OR51T1: variants seen among roughly 807,000 people sequenced by gnomAD.
OR51T1 encodes the protein olfactory receptor family 51 subfamily T member 1.
For synonymous variants in OR51T1, 188 were observed against 152.6 expected (o/e 1.23, Z -1.71); for missense variants, 439 against 398.5 (o/e 1.10, Z -0.87).
rs146307648 is a variant in OR51T1, at chr11:4,882,588, T to C, written c.689T>C (p.Ile230Thr). Residue 230 changes from isoleucine to threonine, a missense_variant, in exon 1 of 1, where the codon ATT (isoleucine) becomes ACT (threonine). Transcript: ENST00000322049. ...YVLILRTVLG[I>T]VARKKQQKAL... is the part of the protein sequence containing the mutation. ...CTGATCCTCCGTACTGTTCTGGGCATTGTGGCCCGAAAGAAGCAACAAAAA... is the reference window on the plus strand; with the variant it reads ...CTGATCCTCCGTACTGTTCTGGGCACTGTGGCCCGAAAGAAGCAACAAAAA... The C allele has an allele frequency of 2.2e-5, 36 of 1,613,828 alleles. No homozygotes were observed. Among genetic ancestry groups the C allele is most frequent in the Admixed American group, 6.7e-5 (4 of 59,956 alleles).
In OR51T1 at chr11:4,881,931, C is replaced by A. The variant is rs1850470432; in HGVS notation, c.32C>A (p.Ser11Tyr). The stretch of plus-strand genomic sequence containing the variant: ...ATATTCAATAACACCACTTCGTCTT[C>A]CTCAAACTTCCTCCTCACTGCATTC... MAIFNNTTSS[S>Y]SNFLLTAFPG... The change falls in exon 1 of 1, where the codon TCC becomes TAC. Residue 11 changes from serine to tyrosine, a missense_variant. Coordinates refer to ENST00000322049, the MANE Select transcript of OR51T1 (RefSeq NM_001004759.3). The A allele has an allele frequency of 6.2e-7, 1 of 1,613,632 alleles. No individual in the cohort carries two copies. The highest frequency in any genetic ancestry group is 8.5e-7 in the Non-Finnish European group (1 of 1,179,642).
In OR51T1 at chr11:4,882,400, T is replaced by G; in HGVS notation, c.501T>G (p.Thr167=). Residue 167 remains threonine (T), a synonymous_variant, in exon 1 of 1, where the codon ACT becomes ACG. Coordinates refer to ENST00000322049, the MANE Select transcript of OR51T1 (RefSeq NM_001004759.3). ...TTCCCCTTCTTGTAGCCATAAACAC[T>G]GTGTCTTTTCATGGGGGTCACGAGC... ...FLLPLLVAIN[T]VSFHGGHELS... is the part of the protein sequence containing the mutation. The G allele has an allele frequency of 6.2e-7, 1 of 1,613,924 alleles. No homozygotes were observed. Among genetic ancestry groups the G allele is most frequent in the Non-Finnish European group, 8.5e-7 (1 of 1,179,918 alleles).
In OR51T1 at chr11:4,882,781, C is replaced by T. The variant is rs780109347; in HGVS notation, c.882C>T (p.Tyr294=). 20 of 1,613,894 alleles carry T rather than the reference C, an allele frequency of 1.2e-5. 1 individual carries two copies. In the South Asian group the frequency reaches 2.2e-4, roughly 18 times the overall value. Residue 294 remains tyrosine, a synonymous_variant, in exon 1 of 1, where the codon TAC becomes TAT. Transcript: ENST00000322049. ...CACCTGTGCTGAACCCTATCATTTA[C>T]AGCTTGAAGACCAAGACAATCCGCC... ...LLPPVLNPII[Y]SLKTKTIRQA... is the part of the protein sequence containing the mutation.
At position 4,882,595 on chromosome 11, in the gene OR51T1, C is replaced by G. The variant is rs1421985375; in HGVS notation, c.696C>G (p.Ala232=). The G allele has an allele frequency of 3.1e-6, 5 of 1,613,748 alleles. No individual in the cohort carries two copies. The African/African-American group carries it at 6.7e-5, about 22-fold the overall frequency. ...TCCGTACTGTTCTGGGCATTGTGGC[C>G]CGAAAGAAGCAACAAAAAGCTCTCA... The part of the protein sequence containing the change: ...LILRTVLGIV[A]RKKQQKALST... Residue 232 remains alanine (A), a synonymous_variant, in exon 1 of 1, where the codon GCC becomes GCG. Transcript: ENST00000322049.
rs1395072685 is a variant in OR51T1 at position 4,882,651 on chromosome 11, C to T, written c.752C>T (p.Thr251Ile). ...STCVCHICAVTIFYVPLISLS... is the reference protein window; with the variant it reads ...STCVCHICAVIIFYVPLISLS... ...TGTGTCTGTCACATCTGTGCAGTCA[C>T]TATTTTCTATGTGCCACTGATCAGC... The change falls in exon 1 of 1, where the codon ACT becomes ATT. Residue 251 changes from threonine (T) to isoleucine (I), a missense_variant. Coordinates refer to ENST00000322049, the MANE Select transcript of OR51T1 (RefSeq NM_001004759.3). 1.9e-6 allele frequency: 3 copies of T among 1,613,834 alleles called. No individual in the cohort carries two copies. In the East Asian group the frequency reaches 6.7e-5, roughly 36 times the overall value.
chr11:4,882,676 CCT>C lies in OR51T1; in HGVS notation c.782_783del (p.Ser261PhefsTer15), dbSNP rs1201221326. The C allele has an allele frequency of 1.2e-6, 2 of 1,613,944 alleles. No individual in the cohort carries two copies. Among genetic ancestry groups the C allele is most frequent in the South Asian group, 1.1e-5 (1 of 91,074 alleles). ...VTIFYVPLISLSLAHRLFHST... is the reference protein window; with the variant it reads ...VTIFYVPLISXSLAHRLFHST... Reference sequence around the variant, plus strand: ...CTATTTTCTATGTGCCACTGATCAGCCTCTCTTTGGCACACCGCCTCTTCCAC... The same window carrying C: ...CTATTTTCTATGTGCCACTGATCAGCCTCTTTGGCACACCGCCTCTTCCAC... On this transcript the variant is annotated frameshift_variant, in exon 1 of 1. Transcript: ENST00000322049. LOFTEE classifies it low-confidence loss of function (END_TRUNC).
At position 4,882,680 on chromosome 11, in the gene OR51T1, T is replaced by A; in HGVS notation, c.781T>A (p.Ser261Thr). The change falls in exon 1 of 1, where the codon TCT becomes ACT. Residue 261 changes from serine (S) to threonine (T), a missense_variant. Ser to Thr is a moderately conservative substitution (Grantham distance 58). Transcript: ENST00000322049. Reference protein sequence around the residue: ...TIFYVPLISLSLAHRLFHSTP... With the variant: ...TIFYVPLISLTLAHRLFHSTP... ...TTTCTATGTGCCACTGATCAGCCTCTCTTTGGCACACCGCCTCTTCCACTC... is the reference window on the plus strand; with the variant it reads ...TTTCTATGTGCCACTGATCAGCCTCACTTTGGCACACCGCCTCTTCCACTC... 6.2e-7 allele frequency: 1 copy of A among 1,613,976 alleles called. No individual in the cohort carries two copies. The highest frequency in any genetic ancestry group is 8.5e-7 in the Non-Finnish European group (1 of 1,179,946).
Position 4,882,399 on chromosome 11 carries a change from C to T in OR51T1, c.500C>T (p.Thr167Ile). 1 of 1,613,934 alleles carries T rather than the reference C, an allele frequency of 6.2e-7. No homozygotes were observed. Among genetic ancestry groups the T allele is most frequent in the Non-Finnish European group, 8.5e-7 (1 of 1,179,932 alleles). ...CTTCCCCTTCTTGTAGCCATAAACA[C>T]TGTGTCTTTTCATGGGGGTCACGAG... ...FLLPLLVAIN[T>I]VSFHGGHELS... is the part of the protein sequence containing the mutation. The change falls in exon 1 of 1, where the codon ACT becomes ATT. Residue 167 changes from threonine (T) to isoleucine (I), a missense_variant. Thr to Ile is a moderately conservative substitution (Grantham distance 89). Transcript: ENST00000322049.
chr11:4,882,803 C>A lies in OR51T1; in HGVS notation c.904C>A (p.Arg302Ser). ...TTACAGCTTGAAGACCAAGACAATC[C>A]GCCAGGCTATGTTCCAGCTGCTCCA... Reference protein sequence around the residue: ...IIYSLKTKTIRQAMFQLLQSK... With the variant: ...IIYSLKTKTISQAMFQLLQSK... The change falls in exon 1 of 1, where the codon CGC (arginine) becomes AGC (serine). Residue 302 changes from arginine to serine, a missense_variant. Transcript: ENST00000322049. 1 of 1,613,826 alleles carries A rather than the reference C, an allele frequency of 6.2e-7. No homozygotes were observed.
rs763182459 is a variant in OR51T1 at position 4,882,673 on chromosome 11, C to G, written c.774C>G (p.Ile258Met). The G allele has an allele frequency of 2.5e-6, 4 of 1,613,940 alleles. No individual in the cohort carries two copies. The highest frequency in any genetic ancestry group is 1.7e-5 in the Admixed American group (1 of 59,988). Residue 258 changes from isoleucine to methionine, a missense_variant, in exon 1 of 1, where the codon ATC becomes ATG. Ile to Met is a conservative substitution (Grantham distance 10). Transcript: ENST00000322049. ...CAVTIFYVPL[I>M]SLSLAHRLFH... ...TCACTATTTTCTATGTGCCACTGAT[C>G]AGCCTCTCTTTGGCACACCGCCTCT...
rs1221969586 is a variant in OR51T1, at chr11:4,882,196, C to T, written c.297C>T (p.Cys99=). Reference sequence around the variant, plus strand: ...CCCGGGAGATCAGCTTTAAAGCTTGCTTCATTCAAATGTTCTTTGTGCATG... The same window carrying T: ...CCCGGGAGATCAGCTTTAAAGCTTGTTTCATTCAAATGTTCTTTGTGCATG... The part of the protein sequence containing the change: ...FHAREISFKA[C]FIQMFFVHAF... Residue 99 remains cysteine (C), a synonymous_variant, in exon 1 of 1, where the codon TGC becomes TGT. Coordinates refer to ENST00000322049, the MANE Select transcript of OR51T1 (RefSeq NM_001004759.3). 1 of 1,613,884 alleles carries T rather than the reference C, an allele frequency of 6.2e-7. No individual in the cohort carries two copies. Among genetic ancestry groups the T allele is most frequent in the South Asian group, 1.1e-5 (1 of 91,074 alleles).
Position 4,882,658 on chromosome 11 carries a change from C to A in OR51T1, c.759C>A (p.Phe253Leu), listed in dbSNP as rs1342601909. 6.2e-7 allele frequency: 1 copy of A among 1,613,942 alleles called. No individual in the cohort carries two copies. Among genetic ancestry groups the A allele is most frequent in the South Asian group, 1.1e-5 (1 of 91,084 alleles). ...GTCACATCTGTGCAGTCACTATTTT[C>A]TATGTGCCACTGATCAGCCTCTCTT... ...CVCHICAVTI[F>L]YVPLISLSLA... The change falls in exon 1 of 1, where the codon TTC (phenylalanine) becomes TTA (leucine). Residue 253 changes from phenylalanine (F) to leucine (L), a missense_variant. Physicochemically the swap from Phe to Leu is conservative, Grantham distance 22 (BLOSUM62 0). Coordinates refer to ENST00000322049, the MANE Select transcript of OR51T1 (RefSeq NM_001004759.3).
In OR51T1 at chr11:4,882,498, G is replaced by A; in HGVS notation, c.599G>A (p.Trp200Ter). The stretch of plus-strand genomic sequence containing the variant: ...TCCAAACCTTGGATCAGCAGTTTTT[G>A]GGGACTGTTTCTTCAGCTCTACCTG... Reference protein sequence around the residue: ...TYSKPWISSFWGLFLQLYLNG... With the variant: ...TYSKPWISSF The change falls in exon 1 of 1, where the codon TGG (tryptophan) becomes TAG (stop). Residue 200 changes from tryptophan (W) to a stop codon, truncating the protein, a stop_gained. Coordinates refer to ENST00000322049, the MANE Select transcript of OR51T1 (RefSeq NM_001004759.3). LOFTEE classifies it low-confidence loss of function (END_TRUNC). 1.2e-6 allele frequency: 2 copies of A among 1,613,764 alleles called. No individual in the cohort carries two copies. The highest frequency in any genetic ancestry group is 8.5e-7 in the Non-Finnish European group (1 of 1,179,894).
At position 4,882,371 on chromosome 11, in the gene OR51T1, T is replaced by C; in HGVS notation, c.472T>C (p.Leu158=). 2 of 1,614,004 alleles carry C rather than the reference T, an allele frequency of 1.2e-6. No homozygotes were observed. Among genetic ancestry groups the C allele is most frequent in the Non-Finnish European group, 1.7e-6 (2 of 1,179,950 alleles). The part of the protein sequence containing the change: ...LVICIRPAVF[L]LPLLVAINTV... ...CATCTGCATTAGACCAGCAGTTTTCTTACTTCCCCTTCTTGTAGCCATAAA... is the reference window on the plus strand; with the variant it reads ...CATCTGCATTAGACCAGCAGTTTTCCTACTTCCCCTTCTTGTAGCCATAAA... Residue 158 remains leucine (L), a synonymous_variant, in exon 1 of 1, where the codon TTA becomes CTA. Transcript: ENST00000322049.
chr11:4,882,876 G>T lies in OR51T1; in HGVS notation c.977G>T (p.Trp326Leu), dbSNP rs780617714. Residue 326 changes from tryptophan (W) to leucine (L), a missense_variant, in exon 1 of 1, where the codon TGG becomes TTG. By Grantham distance (61) the Trp-to-Leu change is moderately conservative. Transcript: ENST00000322049. Reference sequence around the variant, plus strand: ...AATGTGAGGGGTCTTAGGGGAAGATGGGATTGAAGGTAGGAAATTGTCAGG... The same window carrying T: ...AATGTGAGGGGTCTTAGGGGAAGATTGGATTGAAGGTAGGAAATTGTCAGG... Reference protein sequence around the residue: ...GFNVRGLRGRWD With the variant: ...GFNVRGLRGRLD 1 of 1,609,920 alleles carries T rather than the reference G, an allele frequency of 6.2e-7. No individual in the cohort carries two copies. Among genetic ancestry groups the T allele is most frequent in the Non-Finnish European group, 8.5e-7 (1 of 1,177,378 alleles).
In OR51T1 at chr11:4,882,001, C is replaced by T. The variant is rs61735140; in HGVS notation, c.102C>T (p.Cys34=). The change falls in exon 1 of 1, where the codon TGC becomes TGT. Residue 34 remains cysteine (C), a synonymous_variant. Coordinates refer to ENST00000322049, the MANE Select transcript of OR51T1 (RefSeq NM_001004759.3). ...ATGTCTGGATCTCCATTCCAGTCTGCTGTCTCTACACCATTGCCCTCTTGG... is the reference window on the plus strand; with the variant it reads ...ATGTCTGGATCTCCATTCCAGTCTGTTGTCTCTACACCATTGCCCTCTTGG... ...CAHVWISIPV[C]CLYTIALLGN... is the part of the protein sequence containing the mutation. 731 of 1,613,930 alleles carry T rather than the reference C, an allele frequency of 4.5e-4. 1 individual carries two copies. In the African/African-American group the frequency reaches 8.6e-3, roughly 19 times the overall value.
rs1850486443 is a variant in OR51T1, at chr11:4,882,480, C to G, written c.581C>G (p.Pro194Arg). ...PEVIKYTYSK[P>R]WISSFWGLFL... The stretch of plus-strand genomic sequence containing the variant: ...GTGATCAAATACACATATTCCAAAC[C>G]TTGGATCAGCAGTTTTTGGGGACTG... The change falls in exon 1 of 1, where the codon CCT becomes CGT. Residue 194 changes from proline (P) to arginine (R), a missense_variant. Coordinates refer to ENST00000322049, the MANE Select transcript of OR51T1 (RefSeq NM_001004759.3). The G allele has an allele frequency of 1.2e-6, 2 of 1,613,788 alleles. No individual in the cohort carries two copies. Among genetic ancestry groups the G allele is most frequent in the South Asian group, 2.2e-5 (2 of 91,076 alleles).
In OR51T1 at chr11:4,882,704, T is replaced by A. The variant is rs1286724829; in HGVS notation, c.805T>A (p.Ser269Thr). 4 of 1,613,836 alleles carry A rather than the reference T, an allele frequency of 2.5e-6. No homozygotes were observed. In the East Asian group the frequency reaches 8.9e-5, roughly 36 times the overall value. ...CTCTTTGGCACACCGCCTCTTCCACTCCACCCCAAGGGTGCTCTGTAGCAC... is the reference window on the plus strand; with the variant it reads ...CTCTTTGGCACACCGCCTCTTCCACACCACCCCAAGGGTGCTCTGTAGCAC... The part of the protein sequence containing the change: ...SLSLAHRLFH[S>T]TPRVLCSTLA... Residue 269 changes from serine (S) to threonine (T), a missense_variant, in exon 1 of 1, where the codon TCC becomes ACC. Ser to Thr is a moderately conservative substitution (Grantham distance 58). Coordinates refer to ENST00000322049, the MANE Select transcript of OR51T1 (RefSeq NM_001004759.3).
Position 4,882,458 on chromosome 11 carries a change from A to G in OR51T1, c.559A>G (p.Ile187Val), listed in dbSNP as rs1390552297. 1 of 1,609,456 alleles carries G rather than the reference A, an allele frequency of 6.2e-7. No homozygotes were observed. Among genetic ancestry groups the G allele is most frequent in the Non-Finnish European group, 8.5e-7 (1 of 1,176,112 alleles). Residue 187 changes from isoleucine (I) to valine (V), a missense_variant, in exon 1 of 1, where the codon ATC (isoleucine) becomes GTC (valine). By Grantham distance (29) the Ile-to-Val change is conservative (BLOSUM62 3). Coordinates refer to ENST00000322049, the MANE Select transcript of OR51T1 (RefSeq NM_001004759.3). ...SHPFCYHPEV[I>V]KYTYSKPWIS... ...TCCATTTTGCTACCACCCAGAAGTG[A>G]TCAAATACACATATTCCAAACCTTG...
Sources: allele counts gnomAD v4.1 joint callset, GRCh38; gene constraint gnomAD v4.1.1; transcripts MANE v1.5; gene names NCBI Gene and HGNC (gene_info 2026-07-23, HGNC 2026-07-21).